The following GGT5 variants were observed in gnomAD, a reference collection of about 807,000 sequenced individuals.
GGT5 encodes the protein glutathione hydrolase 5 proenzyme.
A neutral mutation model predicts 58.1 loss-of-function variants in GGT5; 50 were observed. The ratio of observed to expected loss-of-function variants is 0.86; its 90% CI spans 0.69 to 1.09. The LOEUF is 1.09. Ranked by LOEUF, GGT5 falls within the 50% of genes least tolerant of loss-of-function variation. The probability of loss-of-function intolerance (pLI) is 0.00; values close to 1 mark genes in which losing one functional copy is unlikely to be tolerated. For synonymous variants in GGT5, 370 were observed against 346.1 expected, an observed-to-expected ratio of 1.07 and a Z score of -0.77; for missense variants, 800 against 789.4, an observed-to-expected ratio of 1.01 and a Z score of -0.16.
At chr22:24,233,382 T>TC in intron 3 of GGT5, 116 bp downstream of exon 3, 1 of 622,984 alleles carries the variant, frequency 1.6e-6, no homozygotes, top group Non-Finnish European at 2.8e-6. Context: ...AGGCTCCGTG[T>TC]CCCCCCGTGC....
At chr22:24,242,924 A>C (rs1478666068) in intron 1 of GGT5, 1 of 152,234 alleles carries the variant, frequency 6.6e-6, no homozygotes, top group Admixed American at 6.5e-5. Flanking sequence ...TTGTTTGACA[A>C]AACACTGGGG....
intron 1 of GGT5, chr22:24,242,714 G>C (rs1196572014): frequency 1.3e-5 from 2 of 152,384 alleles, no homozygotes; most frequent in African/African-American, 2.4e-5. Flanking sequence ...GGCCCCAGCA[G>C]ACCCTGTGGC....
rs35687403 is a variant in GGT5 at position 24,238,760 on chromosome 22, AATAT to A, written c.174-4760_174-4757del. On this transcript the variant is annotated intron_variant, in intron 1 of 11. Transcript: ENST00000327365. Reference sequence around the variant, plus strand: ...TATATATGTGTGTGTATATATATGGAATATATATATATATATATAATATATATTA... The same window carrying A: ...TATATATGTGTGTGTATATATATGGAATATATATATATATAATATATATTA... 6.0e-3 allele frequency among the ~76,000 whole-genome samples: 220 copies of A among 36,756 alleles called. 14 individuals are homozygous for A. Among genetic ancestry groups the A allele is most frequent in the African/African-American group, 0.024 (206 of 8,694 alleles). The allele number at this position is 36,756 out of a possible 152,430, so 24.1% of individuals were successfully genotyped here.
At chr22:24,231,968 A>G (rs904692213) in intron 5 of GGT5, 83 bp downstream of exon 5, 2 of 1,167,184 alleles carry the variant, frequency 1.7e-6, no homozygotes, top group African/African-American at 1.5e-5. Flanking sequence ...GGGCCTGGGA[A>G]GGAGCCTGCC....
intron 1 of GGT5, among the ~76,000 whole-genome samples, chr22:24,237,276 C>T (rs2048126191): frequency 6.6e-6 from 1 of 152,080 alleles, no homozygotes; most frequent in African/African-American, 2.4e-5. Context: ...GTGCAGGTTT[C>T]TTACTCTAGG....
In GGT5 at chr22:24,220,267, G is replaced by A. The variant is rs2047550989; in HGVS notation, c.1615-151C>T. ...CACAGGAAGAGGGGAGGACCAGATG[G>A]GAGCATGGAAGAGATCCAAAGGCCC... On this transcript the variant is annotated intron_variant, in intron 11 of 11. Coordinates refer to ENST00000327365, the MANE Select transcript of GGT5 (RefSeq NM_004121.5). 2.2e-5 allele frequency: 16 copies of A among 719,062 alleles called. No homozygotes were observed. The South Asian group carries it at 2.9e-4, about 13-fold the overall frequency. The allele number at this position is 719,062 out of a possible 1,614,324, so 44.5% of individuals were successfully genotyped here. A position where few individuals can be genotyped will look rare whatever the true frequency, so the allele number is the denominator to read the frequency against.
intron 6 of GGT5, among the ~76,000 whole-genome samples, chr22:24,227,245 C>A (rs1300999573): frequency 2.6e-5 from 4 of 151,520 alleles, no homozygotes; most frequent in Middle Eastern, 3.6e-3. Context: ...CCATCATGCC[C>A]CGCCTTTTTT....
rs1423878383 is a variant in GGT5 at position 24,233,525 on chromosome 22, A to G, written c.373T>C (p.Cys125Arg). ...GTGCCCAGTGGCAGAGCCTGTGCACACTGGTCCAGCAGGCTCGGGGCGTGG... is the reference window on the plus strand; with the variant it reads ...GTGCCCAGTGGCAGAGCCTGTGCACGCTGGTCCAGCAGGCTCGGGGCGTGG... ...ASHAPSLLDQ[C>R]AQALPLGTGA... The change falls in exon 3 of 12, where the codon TGT becomes CGT. Residue 125 changes from cysteine (C) to arginine (R), a missense_variant. Physicochemically the swap from Cys to Arg is radical, Grantham distance 180. Coordinates refer to ENST00000327365, the MANE Select transcript of GGT5 (RefSeq NM_004121.5). 6.8e-6 allele frequency: 11 copies of G among 1,608,184 alleles called. No homozygotes were observed. Among genetic ancestry groups the G allele is most frequent in the Non-Finnish European group, 8.5e-6 (10 of 1,178,206 alleles).
intron 6 of GGT5, among the ~76,000 whole-genome samples, chr22:24,229,691 A>AAATT (rs1475453998): frequency 2.0e-5 from 3 of 151,002 alleles, no homozygotes; most frequent in Non-Finnish European, 3.0e-5. Context: ...ATAAATAAAT[A>AAATT]AATTAATTAA....
At chr22:24,244,112 C>T in intron 1 of GGT5, 1 of 165,316 alleles carries the variant, frequency 6.0e-6, no homozygotes, top group Admixed American at 5.9e-5. Flanking sequence ...AAATGGGCCT[C>T]CTGAATCCTG....
chr22:24,233,493 G>T lies in GGT5; in HGVS notation c.400+5C>A, dbSNP rs75413656. 5,616 of 1,568,830 alleles carry T rather than the reference G, an allele frequency of 3.6e-3. 149 individuals are homozygous for T. The African/African-American group carries it at 0.063, about 18-fold the overall frequency. On this transcript the variant is annotated splice_donor_5th_base_variant and intron_variant, in intron 3 of 11. Transcript: ENST00000327365. ...TGGGAGTGGGGGACCTCCATGGGGC[G>T]TCACCTGTGCCCAGTGGCAGAGCCT...
rs149565688 is a variant in GGT5, at chr22:24,231,264, G to A, written c.901+120C>T. ...CTTCATATTGTGCATCTGTGAACCC[G>A]GTTTATGGAGGAGGAGGCTGAGCTG... On this transcript the variant is annotated intron_variant, in intron 6 of 11. Transcript: ENST00000327365. The A allele has an allele frequency of 8.8e-4, 582 of 661,450 alleles. 5 individuals carry two copies. In the East Asian group the frequency reaches 0.014, roughly 16 times the overall value. The allele number at this position is 661,450 out of a possible 1,614,324, so 41.0% of individuals were successfully genotyped here. A position where few individuals can be genotyped will look rare whatever the true frequency, so the allele number is the denominator to read the frequency against.
intron 5 of GGT5, 25 bp downstream of exon 5, chr22:24,232,026 G>T: frequency 1.3e-6 from 2 of 1,599,552 alleles, no homozygotes; most frequent in Non-Finnish European, 8.6e-7. Context: ...GCAGGGATGG[G>T]GTATGGAACC....
chr22:24,230,039 C>T lies in GGT5; in HGVS notation c.901+1345G>A, dbSNP rs896449283. Reference sequence around the variant, plus strand: ...GTTAAGGTCAAGAGTTCAAGACCAGCCCGGCCAACATGGTAAAACCCCGTC... The same window carrying T: ...GTTAAGGTCAAGAGTTCAAGACCAGTCCGGCCAACATGGTAAAACCCCGTC... On this transcript the variant is annotated intron_variant, in intron 6 of 11. Transcript: ENST00000327365. Among the ~76,000 whole-genome samples the T allele has an allele frequency of 3.3e-5, 5 of 151,642 alleles. No homozygotes were observed. The East Asian group carries it at 5.9e-4, about 18-fold the overall frequency.
At chr22:24,233,673 C>G in intron 2 of GGT5, 80 bp from the exon 3 acceptor site, 6 of 916,488 alleles carry the variant, frequency 6.5e-6, no homozygotes, top group Non-Finnish European at 1.0e-5. Context: ...GTTTCCATCT[C>G]TGCATTATGA....
chr22:24,232,264 T>C, intron 4 of GGT5, 56 bp from the exon 5 acceptor site: 2 of 1,079,282 alleles, frequency 1.9e-6, no homozygotes, highest in Non-Finnish European at 1.3e-6. Flanking sequence ...AGCCACACTC[T>C]TCCGGGGCTC....
At chr22:24,240,507 G>A (rs1391284785) in intron 1 of GGT5, among the ~76,000 whole-genome samples, 1 of 131,916 alleles carries the variant, frequency 7.6e-6, no homozygotes, top group Non-Finnish European at 1.6e-5. Context: ...TTTTTTTTTT[G>A]AGATAGAGCC....
At chr22:24,225,155 C>A in intron 10 of GGT5, 49 bp from the exon 11 acceptor site, 2 of 1,575,366 alleles carry the variant, frequency 1.3e-6, no homozygotes, top group East Asian at 2.2e-5. Flanking sequence ...CCCTGCTACC[C>A]TACATCAGCC....
In GGT5 at chr22:24,225,008, G is replaced by GAA; in HGVS notation, c.1601_1602insTT (p.Asn535SerfsTer25). 6.3e-7 allele frequency: 1 copy of GAA among 1,590,310 alleles called. No individual in the cohort carries two copies. The highest frequency in any genetic ancestry group is 8.6e-7 in the Non-Finnish European group (1 of 1,167,104). ...ACCTCAGCCTCACCTGGCTGAAGTT[G>GAA]GGCTCGTACTCCACACAGCCCTTGC... On this transcript the variant is annotated frameshift_variant, in exon 11 of 12. Transcript: ENST00000327365. LOFTEE classifies it low-confidence loss of function (END_TRUNC).
Sources: allele counts gnomAD v4.1 joint callset (sites outside exome capture counted in the v4.1 genomes callset), GRCh38; gene constraint gnomAD v4.1.1; transcripts MANE v1.5; gene names NCBI Gene and HGNC (gene_info 2026-07-23, HGNC 2026-07-21).